Variants in FHIP1B observed in about 807,000 individuals in gnomAD.
FHIP1B encodes the protein FHF complex subunit HOOK interacting protein 1B, also known as FHF complex subunit HOOK-interacting protein 1B.
In FHIP1B, 28 loss-of-function variants were observed where a neutral mutation model predicts 82.2. That is an observed-to-expected ratio of 0.34 (90% CI 0.25 to 0.47). The LOEUF (loss-of-function observed/expected upper bound fraction) is 0.47, where lower values mean the gene tolerates loss of function less well. FHIP1B is among the 20% of genes least tolerant of loss of function. The probability of loss-of-function intolerance (pLI) is 1.00; values close to 1 mark genes in which losing one functional copy is unlikely to be tolerated. For synonymous variants in FHIP1B, 585 were observed against 516.1 expected (o/e 1.13, Z -1.81); for missense variants, 1,110 against 1,262.6 (o/e 0.88, Z 1.83).
intron 11 of FHIP1B, among the ~76,000 whole-genome samples, chr11:6,213,900 T>C (rs1311684221): frequency 6.6e-6 from 1 of 151,698 alleles, no homozygotes; most frequent in Non-Finnish European, 1.5e-5. Flanking sequence ...CTTCCAGTGG[T>C]TTTTCACTGC....
intron 6 of FHIP1B, among the ~76,000 whole-genome samples, chr11:6,219,820 G>A (rs543205314): frequency 6.6e-6 from 1 of 152,164 alleles, no homozygotes; most frequent in Non-Finnish European, 1.5e-5. Flanking sequence ...ACAACGAATG[G>A]GTCTTGGTCT....
At chr11:6,212,357 T>C (rs1847096783) in intron 11 of FHIP1B, among the ~76,000 whole-genome samples, 2 of 152,204 alleles carry the variant, frequency 1.3e-5, no homozygotes, top group East Asian at 1.9e-4. Flanking sequence ...CACTTCCCTC[T>C]TCCCCAGCCT....
intron 1 of FHIP1B, among the ~76,000 whole-genome samples, chr11:6,231,469 CT>C (rs1167717523): frequency 0.066 from 8,306 of 125,294 alleles, 391 homozygotes; most frequent in East Asian, 0.2. Context: ...GATATATTTT[CT>C]TTTTTTTTTT....
chr11:6,219,126 C>T, intron 6 of FHIP1B, 76 bp from the exon 7 acceptor site: 1 of 1,228,344 alleles, frequency 8.1e-7, no homozygotes. Flanking sequence ...AACGGGAACC[C>T]CACCAGCCCC....
At chr11:6,212,015 G>T in intron 11 of FHIP1B, 148 bp from the exon 12 acceptor site, 1 of 1,378,646 alleles carries the variant, frequency 7.3e-7, no homozygotes, top group Non-Finnish European at 9.4e-7. Flanking sequence ...GACCAGAAAT[G>T]AACCTCAGGT....
chr11:6,223,552 A>G lies in FHIP1B; in HGVS notation c.777+58T>C. ...AGCCTCTCCCCATCTCCTGGATAGG[A>G]AGGTGCTGTTCAGTATCTACACACC... On this transcript the variant is annotated intron_variant, in intron 3 of 11. Coordinates refer to ENST00000449352, the MANE Select transcript of FHIP1B (RefSeq NM_001098794.2). This position sits in a 1 kb window ranked among gnomAD's most constrained non-coding sequence, Gnocchi z 4.8. The G allele has an allele frequency of 6.6e-7, 1 of 1,510,554 alleles. No individual in the cohort carries two copies. Among genetic ancestry groups the G allele is most frequent in the Admixed American group, 2.2e-5 (1 of 44,784 alleles). The allele number at this position is 1,510,554 out of a possible 1,614,324, so 93.6% of individuals were successfully genotyped here.
chr11:6,222,979 G>A, intron 4 of FHIP1B, 82 bp from the exon 5 acceptor site: 2 of 1,565,612 alleles, frequency 1.3e-6, no homozygotes, highest in Non-Finnish European at 1.8e-6. Flanking sequence ...CTACAGAGAG[G>A]CATCCTACTT....
chr11:6,216,923 A>G lies in FHIP1B; in HGVS notation c.2215+448T>C, dbSNP rs568101504. On this transcript the variant is annotated intron_variant, in intron 9 of 11. Transcript: ENST00000449352. ...AACCTTAGGCCCCAGGAGAGCTGAC[A>G]GAAAACCCAAGACCCAGACAGATAA... 105 of 606,208 alleles carry G rather than the reference A, an allele frequency of 1.7e-4. 1 individual carries two copies. The East Asian group carries it at 2.7e-3, about 15-fold the overall frequency. The allele number at this position is 606,208 out of a possible 1,614,324, so 37.6% of individuals were successfully genotyped here.
intron 4 of FHIP1B, 91 bp downstream of exon 4, chr11:6,222,989 T>C: frequency 6.3e-7 from 1 of 1,576,980 alleles, no homozygotes; most frequent in South Asian, 1.1e-5. Context: ...GCATCCTACT[T>C]CCAAGATGGA....
chr11:6,231,648 G>GT (rs900115854), intron 1 of FHIP1B, among the ~76,000 whole-genome samples: 3 of 151,506 alleles, frequency 2.0e-5, no homozygotes, highest in Non-Finnish European at 2.9e-5. Flanking sequence ...TTTTTGGTGG[G>GT]TTTTTTTGGT....
In FHIP1B at chr11:6,217,378, G is replaced by A; in HGVS notation, c.2208C>T (p.Pro736=). ...CTAGGCTAAGTAGCTTACCAGTGAA[G>A]GGCTGGCTTGGCAGCTGGTTGAGAG... is the stretch of plus-strand genomic sequence containing the variant. The part of the protein sequence containing the change: ...LRTLNQLPSQ[P]FTGPFMAVLF... Residue 736 remains proline, a synonymous_variant, in exon 9 of 12, where the codon CCC becomes CCT. Coordinates refer to ENST00000449352, the MANE Select transcript of FHIP1B (RefSeq NM_001098794.2). 6.2e-7 allele frequency: 1 copy of A among 1,614,014 alleles called. No individual in the cohort carries two copies. Among genetic ancestry groups the A allele is most frequent in the Non-Finnish European group, 8.5e-7 (1 of 1,179,974 alleles).
Position 6,223,224 on chromosome 11 carries a change from C to A in FHIP1B, c.792G>T (p.Gly264=). 1 of 1,588,630 alleles carries A rather than the reference C, an allele frequency of 6.3e-7. No individual in the cohort carries two copies. Among genetic ancestry groups the A allele is most frequent in the South Asian group, 1.2e-5 (1 of 86,584 alleles). Residue 264 remains glycine (G), a synonymous_variant, in exon 4 of 12, where the codon GGG becomes GGT. Transcript: ENST00000449352. The surrounding 1 kb of genome is among the most constrained non-coding windows in gnomAD (Gnocchi z 4.8). ...GCAGTGATGAGTACAGGGCACTGAG[C>A]CCTGTGGCCAGCACCTATGAGAAGT... ...HSYFCPVLAT[G]LSALYSSLPR...
chr11:6,229,967 A>T (rs1302071010), intron 1 of FHIP1B, among the ~76,000 whole-genome samples: 9 of 150,244 alleles, frequency 6.0e-5, no homozygotes, highest in African/African-American at 2.2e-4. Flanking sequence ...TTCCTCCCAT[A>T]GCAAAGTCCA....
intron 9 of FHIP1B, among the ~76,000 whole-genome samples, chr11:6,215,706 G>A (rs1464533632): frequency 6.6e-6 from 1 of 152,218 alleles, no homozygotes; most frequent in African/African-American, 2.4e-5. Flanking sequence ...TGGGAGAGAA[G>A]GAAGGGAAAG....
Position 6,222,913 on chromosome 11 carries a change from A to G in FHIP1B, c.937-16T>C, listed in dbSNP as rs1220833833. On this transcript the variant is annotated splice_polypyrimidine_tract_variant and intron_variant, in intron 4 of 11. Coordinates refer to ENST00000449352, the MANE Select transcript of FHIP1B (RefSeq NM_001098794.2). Reference sequence around the variant, plus strand: ...GGTGAGCCACCTGTAGGAGTGCCAGAGAGAAGGGGGAGGGTTATGAGGAGA... The same window carrying G: ...GGTGAGCCACCTGTAGGAGTGCCAGGGAGAAGGGGGAGGGTTATGAGGAGA... The G allele has an allele frequency of 1.9e-6, 3 of 1,613,018 alleles. No individual in the cohort carries two copies. Among genetic ancestry groups the G allele is most frequent in the Non-Finnish European group, 2.5e-6 (3 of 1,179,088 alleles).
At chr11:6,215,144 C>A (rs569721535) in intron 9 of FHIP1B, 2 of 402,264 alleles carry the variant, frequency 5.0e-6, no homozygotes, top group South Asian at 6.5e-5. Flanking sequence ...GCTGACAAGC[C>A]AGATCTTAGG....
intron 11 of FHIP1B, among the ~76,000 whole-genome samples, chr11:6,212,997 T>A (rs1164405562): frequency 2.0e-5 from 3 of 152,190 alleles, no homozygotes; most frequent in Non-Finnish European, 2.9e-5. Flanking sequence ...TTTACTTCCC[T>A]TAACTCAACA....
rs1847492984 is a variant in FHIP1B at position 6,224,028 on chromosome 11, C to T, written c.359G>A (p.Gly120Glu). ...LTWQLQWDEL[G>E]DGVEERRAEQ... is the part of the protein sequence containing the mutation. ...AGCCCGCCGTTCCTCGACCCCATCC[C>T]CAAGCTCATCCCATTGCAGCTGCCA... is the stretch of plus-strand genomic sequence containing the variant. The change falls in exon 3 of 12, where the codon GGG becomes GAG. Residue 120 changes from glycine to glutamate, a missense_variant. Physicochemically the swap from Gly to Glu is moderately conservative, Grantham distance 98. Coordinates refer to ENST00000449352, the MANE Select transcript of FHIP1B (RefSeq NM_001098794.2). 4 of 1,613,842 alleles carry T rather than the reference C, an allele frequency of 2.5e-6. No individual in the cohort carries two copies. Among genetic ancestry groups the T allele is most frequent in the Non-Finnish European group, 3.4e-6 (4 of 1,179,850 alleles).
At chr11:6,225,229 A>C (rs536323534) in intron 1 of FHIP1B, among the ~76,000 whole-genome samples, 95 of 152,312 alleles carry the variant, frequency 6.2e-4, no homozygotes, top group African/African-American at 2.3e-3. Context: ...TACATAATCT[A>C]ATCTGTATAA....
Sources: allele counts gnomAD v4.1 joint callset (sites outside exome capture counted in the v4.1 genomes callset), GRCh38; gene constraint gnomAD v4.1.1; non-coding constraint Gnocchi (gnomAD v3.1); transcripts MANE v1.5; gene names NCBI Gene and HGNC (gene_info 2026-07-23, HGNC 2026-07-21).